MYCBP2: variants seen among roughly 807,000 people sequenced by gnomAD.
MYCBP2 encodes MYC binding protein 2.
MYCBP2 carries 120 observed loss-of-function variants against 525.3 expected under a neutral mutation model. The observed-to-expected ratio is 0.23, with a 90% CI of 0.20 to 0.27. The LOEUF is 0.27. Among genes scored for constraint, MYCBP2 ranks in the 10% least tolerant of loss-of-function variants. The pLI is 1.00. For synonymous variants in MYCBP2, 1,894 were observed against 1,955.8 expected (o/e 0.97, Z 0.83); for missense variants, 4,149 against 5,657.1 (o/e 0.73, Z 8.55).
intron 73 of MYCBP2, among the ~76,000 whole-genome samples, chr13:77,062,898 G>A (rs1157321474): frequency 2.0e-5 from 3 of 152,162 alleles, no homozygotes; most frequent in East Asian, 3.8e-4. Flanking sequence ...GAGGCACTCA[G>A]ATATCTACTG....
rs1257797377 is a variant in MYCBP2, at chr13:77,294,127, TATAC to T, written c.378+2468_378+2471del. On this transcript the variant is annotated intron_variant, in intron 2 of 82. Coordinates refer to ENST00000544440, the MANE Select transcript of MYCBP2 (RefSeq NM_015057.5). ...GGCTATATATATATATATATATATATATACATATATATATACATATATATAAAAT... is the reference window on the plus strand; with the variant it reads ...GGCTATATATATATATATATATATATATATATATATACATATATATAAAAT... Among the ~76,000 whole-genome samples the T allele has an allele frequency of 7.3e-3, 443 of 60,794 alleles. 7 individuals carry two copies. The highest frequency in any genetic ancestry group is 0.015 in the African/African-American group (347 of 22,406). The allele number at this position is 60,794 out of a possible 152,430, so 39.9% of individuals were successfully genotyped here. A position where few individuals can be genotyped will look rare whatever the true frequency, so the allele number is the denominator to read the frequency against.
intron 20 of MYCBP2, among the ~76,000 whole-genome samples, chr13:77,220,763 G>C (rs1361993326): frequency 6.6e-6 from 1 of 152,150 alleles, no homozygotes; most frequent in African/African-American, 2.4e-5. Flanking sequence ...TAATAACAGA[G>C]TTCTTGGTTG....
chr13:77,213,755 C>T (rs1344049448), intron 21 of MYCBP2, among the ~76,000 whole-genome samples: 1 of 152,126 alleles, frequency 6.6e-6, no homozygotes, highest in Non-Finnish European at 1.5e-5. Flanking sequence ...GACTGTCTGA[C>T]GTCAAATCTT....
Position 77,309,372 on chromosome 13 carries a change from A to T in MYCBP2, c.303-12698T>A, listed in dbSNP as rs866148847. Among the ~76,000 whole-genome samples the T allele has an allele frequency of 9.2e-5, 14 of 152,354 alleles. No individual in the cohort carries two copies. The Middle Eastern group carries it at 0.014, about 148-fold the overall frequency. ...GAATATACTGAACATAATGTATCTG[A>T]ACAGGACTGAGAGAATCCTAGCAGT... On this transcript the variant is annotated intron_variant, in intron 1 of 82. Transcript: ENST00000544440.
chr13:77,120,050 G>A (rs989947594), intron 55 of MYCBP2, among the ~76,000 whole-genome samples: 1 of 152,044 alleles, frequency 6.6e-6, no homozygotes, highest in Non-Finnish European at 1.5e-5. Flanking sequence ...CTGATTTACT[G>A]TGATAGCTAT....
chr13:77,068,557 T>C lies in MYCBP2; in HGVS notation c.12171+8A>G. The C allele has an allele frequency of 5.6e-6, 9 of 1,613,690 alleles. No homozygotes were observed. Among genetic ancestry groups the C allele is most frequent in the Non-Finnish European group, 7.6e-6 (9 of 1,179,670 alleles). The stretch of plus-strand genomic sequence containing the variant: ...AAGCAATGGAAAGGCTGTAGTGTGA[T>C]CAGTCACCTGTCTCTGGACTCTAGG... On this transcript the variant is annotated splice_region_variant and intron_variant, in intron 70 of 82. Transcript: ENST00000544440.
chr13:77,198,881 T>C (rs2062066657), intron 26 of MYCBP2, among the ~76,000 whole-genome samples: 1 of 152,256 alleles, frequency 6.6e-6, no homozygotes, highest in African/African-American at 2.4e-5. Context: ...GCACTGGTAT[T>C]GCTAGGCCAC....
At chr13:77,242,022 CA>C (rs570322489) in intron 17 of MYCBP2, among the ~76,000 whole-genome samples, 38 of 148,640 alleles carry the variant, frequency 2.6e-4, no homozygotes, top group African/African-American at 7.9e-4. Flanking sequence ...CTTAATCCTA[CA>C]AAAAAAAAAT....
chr13:77,109,142 A>G (rs1027516430), intron 55 of MYCBP2, among the ~76,000 whole-genome samples: 2 of 152,158 alleles, frequency 1.3e-5, no homozygotes, highest in African/African-American at 4.8e-5. Flanking sequence ...CAGGTAGAGG[A>G]CGGTTTCCTT....
At chr13:77,162,275 C>G (rs1374728639) in intron 43 of MYCBP2, among the ~76,000 whole-genome samples, 2 of 152,124 alleles carry the variant, frequency 1.3e-5, no homozygotes, top group African/African-American at 4.8e-5. Context: ...AAAGAGGGAA[C>G]AAATTATTTC....
intron 44 of MYCBP2, among the ~76,000 whole-genome samples, chr13:77,159,382 AT>A (rs879434105): frequency 9.4e-4 from 140 of 148,228 alleles, no homozygotes; most frequent in Middle Eastern, 3.5e-3. Flanking sequence ...TTGGGACACC[AT>A]TTTTTTTTTT....
intron 54 of MYCBP2, 59 bp downstream of exon 54, chr13:77,125,277 A>G: frequency 1.9e-6 from 3 of 1,599,474 alleles, no homozygotes; most frequent in Non-Finnish European, 2.6e-6. Flanking sequence ...TACAATAGGC[A>G]TTAAACTTCT....
chr13:77,253,553 A>G (rs2071591849), intron 14 of MYCBP2, among the ~76,000 whole-genome samples: 1 of 151,988 alleles, frequency 6.6e-6, no homozygotes, highest in South Asian at 2.1e-4. Context: ...AAGTATAAAA[A>G]GAAAACTAAT....
At chr13:77,199,246 G>A (rs927628279) in intron 26 of MYCBP2, among the ~76,000 whole-genome samples, 3 of 152,242 alleles carry the variant, frequency 2.0e-5, no homozygotes, top group Non-Finnish European at 4.4e-5. Context: ...AAGGGGTCAG[G>A]GAGTTCCCTT....
In MYCBP2 at chr13:77,061,242, G is replaced by A. The variant is rs1265140910; in HGVS notation, c.12963C>T (p.Thr4321=). The part of the protein sequence containing the change: ...KVDLHEGCGR[T]KLFWLMALAD... The stretch of plus-strand genomic sequence containing the variant: ...CCAGTGCCATCAACCAGAACAATTT[G>A]GTTCTACCACAACCTTCATGAAGGT... The change falls in exon 76 of 83, where the codon ACC becomes ACT. Residue 4321 remains threonine (T), a synonymous_variant. Coordinates refer to ENST00000544440, the MANE Select transcript of MYCBP2 (RefSeq NM_015057.5). 4 of 1,611,122 alleles carry A rather than the reference G, an allele frequency of 2.5e-6. No individual in the cohort carries two copies. The highest frequency in any genetic ancestry group is 1.3e-5 in the African/African-American group (1 of 74,612).
intron 44 of MYCBP2, among the ~76,000 whole-genome samples, chr13:77,160,215 C>T (rs978529207): frequency 6.6e-6 from 1 of 152,032 alleles, no homozygotes; most frequent in Non-Finnish European, 1.5e-5. Flanking sequence ...TACAGGCATG[C>T]GCCACCACGC....
In MYCBP2 at chr13:77,270,490, C is replaced by T. The variant is rs756822795; in HGVS notation, c.994G>A (p.Val332Met). ...SLQRSVQAVL[V>M]GKIQIQDWFS... Reference sequence around the variant, plus strand: ...CAGTCCTGAATTTGAATTTTTCCCACCAAAACTGCTTGTACACTTCTCTGT... The same window carrying T: ...CAGTCCTGAATTTGAATTTTTCCCATCAAAACTGCTTGTACACTTCTCTGT... The change falls in exon 6 of 83, where the codon GTG becomes ATG. Residue 332 changes from valine (V) to methionine (M), a missense_variant. Physicochemically the swap from Val to Met is conservative, Grantham distance 21. This residue lies in a region of MYCBP2 where 413 missense variants were observed against 451.2 expected (regional missense o/e 0.92). Coordinates refer to ENST00000544440, the MANE Select transcript of MYCBP2 (RefSeq NM_015057.5). The T allele has an allele frequency of 6.2e-6, 10 of 1,613,432 alleles. No homozygotes were observed. The highest frequency in any genetic ancestry group is 2.2e-5 in the South Asian group (2 of 91,042).
intron 65 of MYCBP2, among the ~76,000 whole-genome samples, chr13:77,079,354 C>G (rs1238134788): frequency 6.6e-6 from 1 of 152,106 alleles, no homozygotes; most frequent in African/African-American, 2.4e-5. Flanking sequence ...GTTCTATCCC[C>G]CAAGATACTT....
chr13:77,285,149 C>A (rs2076601115), intron 3 of MYCBP2, among the ~76,000 whole-genome samples: 1 of 152,028 alleles, frequency 6.6e-6, no homozygotes. Flanking sequence ...TTTTAAACAC[C>A]CTAGGAATCC....
Sources: gnomAD v4.1 joint callset for allele counts (sites outside exome capture counted in the v4.1 genomes callset) on GRCh38, gnomAD v4.1.1 for gene constraint, gnomAD v4.1.1 regional missense constraint, MANE v1.5 for transcripts, NCBI Gene and HGNC (gene_info 2026-07-23, HGNC 2026-07-21) for gene names.